The following PPM1H variants were observed in gnomAD, a reference collection of about 807,000 sequenced individuals.
The protein encoded by PPM1H is protein phosphatase 1H.
A neutral mutation model predicts 54.9 loss-of-function variants in PPM1H; 27 were observed. That is an observed-to-expected ratio of 0.49 (90% confidence interval 0.36 to 0.68). The LOEUF (loss-of-function observed/expected upper bound fraction) is 0.68, where lower values mean the gene tolerates loss of function less well. Ranked by LOEUF, PPM1H falls within the 30% of genes least tolerant of loss-of-function variation. The pLI, the probability that PPM1H is intolerant of heterozygous loss-of-function variation, is 0.00. For synonymous variants in PPM1H, 305 were observed against 270.8 expected (o/e 1.13, Z -1.24); for missense variants, 596 against 667.8 (o/e 0.89, Z 1.19).
chr12:62,934,632 C>T lies in PPM1H; in HGVS notation c.105G>A (p.Leu35=). ...HGGGSCGGSD[L]PLRFPYGRPE... ...GCCGCCCGTAGGGGAAACGCAGGGGCAGGTCCGAGCCTCCGCAGCTGCCGC... is the reference window on the plus strand; with the variant it reads ...GCCGCCCGTAGGGGAAACGCAGGGGTAGGTCCGAGCCTCCGCAGCTGCCGC... The change falls in exon 1 of 10, where the codon CTG becomes CTA. Residue 35 remains leucine, a synonymous_variant. Coordinates refer to ENST00000228705, the MANE Select transcript of PPM1H (RefSeq NM_020700.2). This position sits in a 1 kb window ranked among gnomAD's most constrained non-coding sequence, Gnocchi z 4.2. The T allele has an allele frequency of 1.3e-6, 2 of 1,592,028 alleles. No homozygotes were observed. The highest frequency in any genetic ancestry group is 1.7e-6 in the Non-Finnish European group (2 of 1,170,748).
chr12:62,830,936 C>T lies in PPM1H; in HGVS notation c.411+1178G>A, dbSNP rs1266424073. Among the ~76,000 whole-genome samples, 4 of 152,064 alleles carry T rather than the reference C, an allele frequency of 2.6e-5. No homozygotes were observed. In the South Asian group the frequency reaches 8.3e-4, roughly 31 times the overall value. On this transcript the variant is annotated intron_variant, in intron 2 of 9. Transcript: ENST00000228705. ...TGGCGTGATCTCAGCTCACTGCAAG[C>T]TCTGCCTCCTGGGTTCACGCCATTC...
intron 2 of PPM1H, among the ~76,000 whole-genome samples, chr12:62,824,501 T>C (rs1838405405): frequency 1.3e-5 from 2 of 152,100 alleles, no homozygotes; most frequent in African/African-American, 4.8e-5. Flanking sequence ...CTTCAAACTA[T>C]ACTACAAGGC....
intron 1 of PPM1H, among the ~76,000 whole-genome samples, chr12:62,857,684 A>C (rs1869440321): frequency 6.6e-6 from 1 of 152,176 alleles, no homozygotes; most frequent in African/African-American, 2.4e-5. Flanking sequence ...CTTCATGCTG[A>C]AGCTCAAATT....
intron 1 of PPM1H, among the ~76,000 whole-genome samples, chr12:62,904,107 T>A (rs1277769421): frequency 2.0e-5 from 3 of 152,192 alleles, no homozygotes; most frequent in Admixed American, 6.5e-5. Context: ...TTGGTATTTC[T>A]TGTAGGGAAC....
intron 5 of PPM1H, among the ~76,000 whole-genome samples, chr12:62,732,761 AC>A (rs2076329869): frequency 6.6e-6 from 1 of 151,832 alleles, no homozygotes; most frequent in Admixed American, 6.6e-5. Context: ...TTTAGTAGGG[AC>A]GGGGTTTCAC....
At chr12:62,765,104 G>A (rs968338577) in intron 4 of PPM1H, among the ~76,000 whole-genome samples, 2 of 152,236 alleles carry the variant, frequency 1.3e-5, no homozygotes, top group African/African-American at 2.4e-5. Context: ...CCTGTTGTGT[G>A]TGGAAACTGG....
chr12:62,848,841 G>A (rs1869071459), intron 1 of PPM1H, among the ~76,000 whole-genome samples: 3 of 152,080 alleles, frequency 2.0e-5, no homozygotes, highest in Admixed American at 6.6e-5. Flanking sequence ...GGGGATCCTA[G>A]TGAGGCATTG....
At chr12:62,659,977 G>A (rs1008395909) in intron 9 of PPM1H, among the ~76,000 whole-genome samples, 2 of 152,184 alleles carry the variant, frequency 1.3e-5, no homozygotes, top group Non-Finnish European at 2.9e-5. Flanking sequence ...ACAGGCAAAC[G>A]TGTAGTCCCA....
At chr12:62,703,975 C>CGTGTGT (rs4026211) in intron 6 of PPM1H, among the ~76,000 whole-genome samples, 2,329 of 146,638 alleles carry the variant, frequency 0.016, 44 homozygotes, top group East Asian at 0.071. Flanking sequence ...AGAGAGAAAG[C>CGTGTGT]GTGTGTGTGT....
intron 1 of PPM1H, among the ~76,000 whole-genome samples, chr12:62,917,500 G>C (rs149541273): frequency 6.6e-5 from 10 of 152,216 alleles, no homozygotes; most frequent in Admixed American, 2.0e-4. Flanking sequence ...ACAGAACCAT[G>C]TCTCAAAATG....
chr12:62,679,332 G>C (rs918466674), intron 8 of PPM1H, among the ~76,000 whole-genome samples: 2 of 152,182 alleles, frequency 1.3e-5, no homozygotes, highest in African/African-American at 2.4e-5. Context: ...ATTCAAAGTG[G>C]TGGTGGTGGT....
chr12:62,894,031 A>G (rs1014682034), intron 1 of PPM1H, among the ~76,000 whole-genome samples: 2 of 152,166 alleles, frequency 1.3e-5, no homozygotes, highest in African/African-American at 4.8e-5. Flanking sequence ...ACGTGCGAAT[A>G]AAGCCCCCTT....
intron 8 of PPM1H, among the ~76,000 whole-genome samples, chr12:62,676,251 G>A (rs1282449145): frequency 1.3e-5 from 2 of 152,214 alleles, no homozygotes; most frequent in African/African-American, 4.8e-5. Context: ...ACCCATTTTA[G>A]GATTGTAAAG....
In PPM1H at chr12:62,644,798, G is replaced by A. The variant is rs749265445; in HGVS notation, c.*3691C>T. On this transcript the variant is annotated 3_prime_UTR_variant, in exon 10 of 10. Coordinates refer to ENST00000228705, the MANE Select transcript of PPM1H (RefSeq NM_020700.2). ...CTGAGTTCCTCACATAAAATTCTGT[G>A]CTGTGGCCAGAGCTCGTTTTACCAT... 1.3e-5 allele frequency: 2 copies of A among 152,198 alleles called. No homozygotes were observed. The highest frequency in any genetic ancestry group is 2.9e-5 in the Non-Finnish European group (2 of 68,042). 9.4% of individuals were successfully genotyped at this position (152,198 alleles called of 1,614,324 possible).
chr12:62,676,375 C>T (rs1351492531), intron 8 of PPM1H, among the ~76,000 whole-genome samples: 1 of 152,192 alleles, frequency 6.6e-6, no homozygotes, highest in East Asian at 1.9e-4. Flanking sequence ...GTGTTGTGTG[C>T]TCCATGGAGC....
At chr12:62,850,365 T>A (rs1869136181) in intron 1 of PPM1H, among the ~76,000 whole-genome samples, 3 of 152,124 alleles carry the variant, frequency 2.0e-5, no homozygotes, top group South Asian at 4.1e-4. Context: ...AGTTTTAAAC[T>A]TTCAAATTAT....
chr12:62,828,122 C>T, intron 2 of PPM1H, among the ~76,000 whole-genome samples: 1 of 152,118 alleles, frequency 6.6e-6, no homozygotes, highest in East Asian at 1.9e-4. Context: ...TTCCTAAGTG[C>T]TACCATATTT....
intron 4 of PPM1H, among the ~76,000 whole-genome samples, chr12:62,781,764 GC>G (rs2076644131): frequency 2.0e-5 from 3 of 152,220 alleles, no homozygotes. Flanking sequence ...CCTCTCGGGT[GC>G]CCTCTGTGTG....
At chr12:62,690,426 T>C (rs2076076529) in intron 7 of PPM1H, among the ~76,000 whole-genome samples, 1 of 152,106 alleles carries the variant, frequency 6.6e-6, no homozygotes, top group African/African-American at 2.4e-5. Context: ...ACAAATTCCC[T>C]CTGGGTGGAA....
Sources: allele counts gnomAD v4.1 joint callset (sites outside exome capture counted in the v4.1 genomes callset), GRCh38; gene constraint gnomAD v4.1.1; non-coding constraint Gnocchi (gnomAD v3.1); transcripts MANE v1.5; gene names NCBI Gene and HGNC (gene_info 2026-07-23, HGNC 2026-07-21).